WDFY4: variants seen among roughly 807,000 people sequenced by gnomAD.
WDFY4 encodes the protein WDFY family member 4, also known as WD repeat- and FYVE domain-containing protein 4.
A neutral mutation model predicts 351.9 loss-of-function variants in WDFY4; 169 were observed. That is an observed-to-expected ratio of 0.48 (90% CI 0.42 to 0.55). The LOEUF (loss-of-function observed/expected upper bound fraction) is 0.55, where lower values mean the gene tolerates loss of function less well. WDFY4 is among the 20% of genes least tolerant of loss of function. The probability of loss-of-function intolerance (pLI) is 0.00; values close to 1 mark genes in which losing one functional copy is unlikely to be tolerated. For missense variants in WDFY4, 3,803 were observed against 3,935.6 expected (o/e 0.97, Z 0.90); for synonymous variants, 1,622 against 1,574.6 (o/e 1.03, Z -0.71).
intron 57 of WDFY4, among the ~76,000 whole-genome samples, chr10:48,974,516 A>AAAAAAAAAAAAAAACAAC (rs1554824248): frequency 1.2e-4 from 2 of 16,354 alleles, no homozygotes; most frequent in Non-Finnish European, 4.2e-4. Flanking sequence ...AAAAAAAAAA[A>AAAAAAAAAAAAAAACAAC]AAAAAAAAAA....
intron 25 of WDFY4, among the ~76,000 whole-genome samples, chr10:48,803,615 A>T (rs1348103415): frequency 6.6e-6 from 1 of 152,104 alleles, no homozygotes; most frequent in East Asian, 1.9e-4. Context: ...AGCAATTGTG[A>T]CCAGCAAAGG....
chr10:48,877,260 C>G lies in WDFY4; in HGVS notation c.7167+61C>G. Reference sequence around the variant, plus strand: ...TAAGTTAGTTGTTAAGATTGTCAGACAGGAGAAAACCAAGCTTTCGCCACT... The same window carrying G: ...TAAGTTAGTTGTTAAGATTGTCAGAGAGGAGAAAACCAAGCTTTCGCCACT... On this transcript the variant is annotated intron_variant, in intron 43 of 61. Transcript: ENST00000325239. The G allele has an allele frequency of 2.0e-6, 3 of 1,479,118 alleles. No individual in the cohort carries two copies. The South Asian group carries it at 3.9e-5, about 19-fold the overall frequency. 91.6% of individuals were successfully genotyped at this position (1,479,118 alleles called of 1,614,324 possible).
chr10:48,910,313 C>T (rs972662816), intron 47 of WDFY4: 3 of 1,530,398 alleles, frequency 2.0e-6, no homozygotes, highest in Non-Finnish European at 2.7e-6. Flanking sequence ...CAGAGGCAAA[C>T]ACAGCAAGGG....
intron 13 of WDFY4, among the ~76,000 whole-genome samples, chr10:48,760,833 C>T (rs992568141): frequency 2.0e-5 from 3 of 152,180 alleles, no homozygotes; most frequent in Admixed American, 6.5e-5. Flanking sequence ...AGATCCTGGC[C>T]CTGTGCTCTG....
chr10:48,837,799 T>C (rs768127335), intron 39 of WDFY4, among the ~76,000 whole-genome samples: 16 of 152,148 alleles, frequency 1.1e-4, no homozygotes, highest in Non-Finnish European at 1.6e-4. Context: ...CCTGTGTACA[T>C]AGAGCATAAG....
intron 39 of WDFY4, among the ~76,000 whole-genome samples, chr10:48,849,862 GTTATC>G (rs1564415661): frequency 1.3e-5 from 2 of 152,154 alleles, no homozygotes; most frequent in African/African-American, 2.4e-5. Context: ...ATTACATATA[GTTATC>G]TTATCTCCTT....
chr10:48,881,810 C>A (rs1042113711), intron 43 of WDFY4, among the ~76,000 whole-genome samples: 1 of 152,152 alleles, frequency 6.6e-6, no homozygotes, highest in Non-Finnish European at 1.5e-5. Context: ...CAGTCCCATG[C>A]CCATTCACTC....
At chr10:48,941,661 C>T in intron 47 of WDFY4, 145 bp from the exon 48 acceptor site, 1 of 779,564 alleles carries the variant, frequency 1.3e-6, no homozygotes, top group Non-Finnish European at 2.2e-6. Flanking sequence ...CCTGTGCTGT[C>T]CGCTGAGAGT....
intron 39 of WDFY4, 117 bp from the exon 40 acceptor site, chr10:48,867,148 T>C: frequency 2.7e-6 from 1 of 366,032 alleles, no homozygotes; most frequent in Non-Finnish European, 4.1e-6. Context: ...CCATCCTGGG[T>C]GACAGAATGA....
At chr10:48,710,222 G>C (rs765935268) in intron 2 of WDFY4, among the ~76,000 whole-genome samples, 3 of 152,200 alleles carry the variant, frequency 2.0e-5, no homozygotes, top group Admixed American at 1.3e-4. Flanking sequence ...TGTCTGGTAA[G>C]AGCTTACTTT....
At chr10:48,923,493 T>TTGGTATA (rs1470334715) in intron 47 of WDFY4, among the ~76,000 whole-genome samples, 1 of 135,492 alleles carries the variant, frequency 7.4e-6, no homozygotes, top group African/African-American at 2.8e-5. Context: ...CAAATAGTTT[T>TTGGTATA]TAGTATATAT....
intron 47 of WDFY4, among the ~76,000 whole-genome samples, chr10:48,913,082 C>T (rs996675560): frequency 2.3e-4 from 35 of 152,120 alleles, no homozygotes; most frequent in African/African-American, 7.5e-4. Flanking sequence ...GCTGCTTAGG[C>T]CACAGTGGTA....
At chr10:48,838,102 T>C (rs771463753) in intron 39 of WDFY4, among the ~76,000 whole-genome samples, 30 of 152,196 alleles carry the variant, frequency 2.0e-4, no homozygotes, top group Admixed American at 6.5e-4. Flanking sequence ...TGTGTAAGAA[T>C]TAACAGAATG....
At chr10:48,941,949 G>C in intron 48 of WDFY4, 101 bp downstream of exon 48, 1 of 1,121,078 alleles carries the variant, frequency 8.9e-7, no homozygotes, top group Non-Finnish European at 1.3e-6. Context: ...ACCAAGAAGG[G>C]ATCTTATTAT....
At chr10:48,717,270 T>G (rs1469946849) in intron 2 of WDFY4, among the ~76,000 whole-genome samples, 1 of 152,232 alleles carries the variant, frequency 6.6e-6, no homozygotes, top group African/African-American at 2.4e-5. Flanking sequence ...AAGTATGTGT[T>G]GGAGGTCTGC....
rs865984810 is a variant in WDFY4, at chr10:48,756,071, C to T, written c.2460-4276C>T. Among the ~76,000 whole-genome samples, 4 of 152,068 alleles carry T rather than the reference C, an allele frequency of 2.6e-5. No homozygotes were observed. In the South Asian group the frequency reaches 8.3e-4, roughly 31 times the overall value. On this transcript the variant is annotated intron_variant, in intron 12 of 61. Coordinates refer to ENST00000325239, the MANE Select transcript of WDFY4 (RefSeq NM_001394531.1). The stretch of plus-strand genomic sequence containing the variant: ...TTGCCTATATCTACAAAAATTCCTG[C>T]TGGGATTTTTATTGGAATTGCATTA...
At chr10:48,971,476 A>AC (rs924923310) in intron 57 of WDFY4, among the ~76,000 whole-genome samples, 7 of 151,596 alleles carry the variant, frequency 4.6e-5, no homozygotes, top group African/African-American at 1.7e-4. Flanking sequence ...AGCCTGGGTG[A>AC]CAGAGCGAGA....
intron 47 of WDFY4, among the ~76,000 whole-genome samples, chr10:48,919,270 C>T (rs1219661238): frequency 6.6e-6 from 1 of 151,684 alleles, no homozygotes; most frequent in Non-Finnish European, 1.5e-5. Context: ...AATAAGAGAA[C>T]AGTACAAACA....
intron 39 of WDFY4, among the ~76,000 whole-genome samples, chr10:48,834,819 T>C (rs1053638228): frequency 1.3e-5 from 2 of 152,206 alleles, no homozygotes; most frequent in African/African-American, 2.4e-5. Flanking sequence ...TCCCCTCTAG[T>C]CACTCTCATT....
Sources: allele counts gnomAD v4.1 joint callset (sites outside exome capture counted in the v4.1 genomes callset), GRCh38; gene constraint gnomAD v4.1.1; transcripts MANE v1.5; gene names NCBI Gene and HGNC (gene_info 2026-07-23, HGNC 2026-07-21).